Variants in FNBP1 observed in about 807,000 individuals in gnomAD.
The protein encoded by FNBP1 is formin-binding protein 1.
Under a neutral mutation model 90.6 loss-of-function variants are expected in FNBP1, and 26 were observed. That is an observed-to-expected ratio of 0.29 (90% CI 0.21 to 0.40). The LOEUF (loss-of-function observed/expected upper bound fraction) is 0.40. FNBP1 is among the 10% of genes least tolerant of loss of function. The probability of loss-of-function intolerance (pLI) is 1.00; values close to 1 mark genes in which losing one functional copy is unlikely to be tolerated. For missense variants in FNBP1, 635 were observed against 768.0 expected (o/e 0.83, Z 2.05); for synonymous variants, 260 against 265.2 (o/e 0.98, Z 0.19).
chr9:130,012,787 G>C lies in FNBP1; in HGVS notation c.25-17829C>G, dbSNP rs368555730. ...CCCAAGTAGCTGAGAATACAGGCGC[G>C]TGCCACCACACCAGGCTAATTTTTT... On this transcript the variant is annotated intron_variant, in intron 1 of 16. Transcript: ENST00000446176. Among the ~76,000 whole-genome samples, 6 of 151,990 alleles carry C rather than the reference G, an allele frequency of 3.9e-5. No homozygotes were observed. In the East Asian group the frequency reaches 7.7e-4, roughly 20 times the overall value.
chr9:129,963,639 A>AC (rs2048160347), intron 4 of FNBP1, among the ~76,000 whole-genome samples: 1 of 149,342 alleles, frequency 6.7e-6, no homozygotes, highest in African/African-American at 2.5e-5. Flanking sequence ...TTTTTTAAAA[A>AC]AACAAGTCTC....
chr9:130,005,659 G>A (rs1198140978), intron 1 of FNBP1, among the ~76,000 whole-genome samples: 1 of 152,068 alleles, frequency 6.6e-6, no homozygotes, highest in Non-Finnish European at 1.5e-5. Context: ...AATATTAAAA[G>A]CAGAAATACT....
chr9:130,016,178 C>T (rs1356964422), intron 1 of FNBP1, among the ~76,000 whole-genome samples: 2 of 152,100 alleles, frequency 1.3e-5, no homozygotes, highest in African/African-American at 4.8e-5. Context: ...TTATGCCTCC[C>T]TTTCCCAATT....
At chr9:130,046,505 A>G (rs2060060444), upstream of FNBP1, among the ~76,000 whole-genome samples, 1 of 147,066 alleles carries the variant, frequency 6.8e-6, no homozygotes, top group African/African-American at 2.5e-5. Context: ...AGGCAGAGGC[A>G]GGCAGATCAT....
At chr9:129,929,516 T>C in intron 7 of FNBP1, 51 bp downstream of exon 7, 1 of 1,579,330 alleles carries the variant, frequency 6.3e-7, no homozygotes, top group Non-Finnish European at 8.7e-7. Flanking sequence ...GTCATGTTTC[T>C]AAGGAAAGCA....
chr9:130,022,209 C>CTT (rs1182706263), intron 1 of FNBP1, among the ~76,000 whole-genome samples: 4 of 145,450 alleles, frequency 2.8e-5, no homozygotes, highest in Non-Finnish European at 4.6e-5. Flanking sequence ...ATAAAATTAA[C>CTT]TTTTTTTTTT....
intron 4 of FNBP1, among the ~76,000 whole-genome samples, chr9:129,960,383 C>CAAAAAAAA (rs10715833): frequency 1.2e-5 from 1 of 80,454 alleles, no homozygotes; most frequent in Admixed American, 1.5e-4. Context: ...GACTCCATCT[C>CAAAAAAAA]AAAAAAAAAA....
intron 1 of FNBP1, among the ~76,000 whole-genome samples, chr9:130,006,124 A>G (rs1385364405): frequency 6.6e-6 from 1 of 152,202 alleles, no homozygotes; most frequent in Non-Finnish European, 1.5e-5. Context: ...ATCTCATTAA[A>G]ATGCAATTCT....
rs1014192966 is a variant in FNBP1 at position 130,041,226 on chromosome 9, T to C, written c.24+1726A>G. The stretch of plus-strand genomic sequence containing the variant: ...AAATGTACAGAATAATGCAAGCAAT[T>C]GCCGCTGTTTTAGCAGTTTTGCTCA... On this transcript the variant is annotated intron_variant, in intron 1 of 16. Coordinates refer to ENST00000446176, the MANE Select transcript of FNBP1 (RefSeq NM_015033.3). This position sits in a 1 kb window ranked among gnomAD's most constrained non-coding sequence, Gnocchi z 4.3. 6.6e-6 allele frequency among the ~76,000 whole-genome samples: 1 copy of C among 152,168 alleles called. No homozygotes were observed. Among genetic ancestry groups the C allele is most frequent in the Non-Finnish European group, 1.5e-5 (1 of 68,026 alleles).
intron 1 of FNBP1, among the ~76,000 whole-genome samples, chr9:130,008,267 T>G (rs545734450): frequency 6.6e-6 from 1 of 151,996 alleles, no homozygotes; most frequent in African/African-American, 2.4e-5. Flanking sequence ...GAGGATGACC[T>G]GGGCCTGGGG....
intron 15 of FNBP1, among the ~76,000 whole-genome samples, chr9:129,899,758 G>A (rs545461905): frequency 3.6e-4 from 50 of 140,312 alleles, no homozygotes; most frequent in African/African-American, 1.3e-3. Flanking sequence ...GGAAGGGAAG[G>A]AAGGGAAGGA....
intron 1 of FNBP1, among the ~76,000 whole-genome samples, chr9:130,037,567 G>C (rs605448): frequency 1 from 151,891 of 152,292 alleles, 75,745 homozygotes; most frequent in Middle Eastern, 1. Flanking sequence ...CTTATATAAA[G>C]ATATGTACAC....
At chr9:129,965,338 C>A (rs1024541584) in intron 4 of FNBP1, among the ~76,000 whole-genome samples, 1 of 152,150 alleles carries the variant, frequency 6.6e-6, no homozygotes, top group Non-Finnish European at 1.5e-5. Flanking sequence ...TCGAAGTTTT[C>A]TAAATGCCTA....
rs2034838047 is a variant in FNBP1, at chr9:129,887,783, G to A, written c.*2756C>T. 1 of 228,698 alleles carries A rather than the reference G, an allele frequency of 4.4e-6. No individual in the cohort carries two copies. Among genetic ancestry groups the A allele is most frequent in the East Asian group, 6.3e-5 (1 of 15,976 alleles). The allele number at this position is 228,698 out of a possible 1,614,324, so 14.2% of individuals were successfully genotyped here. ...TTCAGGGCAGGTTCTTTTAAAATTA[G>A]TCATCTTACAACACAACAGTATTCT... On this transcript the variant is annotated 3_prime_UTR_variant, in exon 17 of 17. Coordinates refer to ENST00000446176, the MANE Select transcript of FNBP1 (RefSeq NM_015033.3).
chr9:129,890,585 T>A lies in FNBP1; in HGVS notation c.1847-39A>T. 3 of 1,559,866 alleles carry A rather than the reference T, an allele frequency of 1.9e-6. No individual in the cohort carries two copies. Among genetic ancestry groups the A allele is most frequent in the Non-Finnish European group, 2.6e-6 (3 of 1,150,766 alleles). ...AGAAACAGAAAGAGAAACTCTCTGT[T>A]AGAGAGGAAGGCGCGGGTTCCAGGC... On this transcript the variant is annotated intron_variant, in intron 16 of 16. Transcript: ENST00000446176. The surrounding 1 kb of genome is among the most constrained non-coding windows in gnomAD (Gnocchi z 5.8).
chr9:130,002,059 A>T (rs1407878451), intron 1 of FNBP1, among the ~76,000 whole-genome samples: 15 of 147,852 alleles, frequency 1.0e-4, no homozygotes, highest in Non-Finnish European at 1.8e-4. Context: ...CCGGGCATGG[A>T]GACCCATGCC....
At chr9:130,009,805 C>CAAAAACA (rs1327859504) in intron 1 of FNBP1, among the ~76,000 whole-genome samples, 6 of 151,300 alleles carry the variant, frequency 4.0e-5, no homozygotes, top group South Asian at 2.1e-4. Flanking sequence ...CGTCTCATAA[C>CAAAAACA]AAAAACAAAA....
chr9:129,918,062 C>T lies in FNBP1; in HGVS notation c.1171-2082G>A, dbSNP rs181813446. Reference sequence around the variant, plus strand: ...GCTCTCTACTCGGCTACTTTCTTTACGCAAAGTTATATATTCTTTCTTAAG... The same window carrying T: ...GCTCTCTACTCGGCTACTTTCTTTATGCAAAGTTATATATTCTTTCTTAAG... On this transcript the variant is annotated intron_variant, in intron 10 of 16. Transcript: ENST00000446176. Among the ~76,000 whole-genome samples, 72 of 152,312 alleles carry T rather than the reference C, an allele frequency of 4.7e-4. 2 individuals carry two copies. The highest frequency in any genetic ancestry group is 3.8e-3 in the Admixed American group (58 of 15,284).
At chr9:129,907,352 A>G (rs2038294362) in intron 12 of FNBP1, among the ~76,000 whole-genome samples, 1 of 152,170 alleles carries the variant, frequency 6.6e-6, no homozygotes, top group Non-Finnish European at 1.5e-5. Flanking sequence ...TATTTCGCAG[A>G]CACTTATGTG....
Sources: allele counts gnomAD v4.1 joint callset (sites outside exome capture counted in the v4.1 genomes callset), GRCh38; gene constraint gnomAD v4.1.1; non-coding constraint Gnocchi (gnomAD v3.1); transcripts MANE v1.5; gene names NCBI Gene and HGNC (gene_info 2026-07-23, HGNC 2026-07-21).